XRCC1: variants seen among roughly 807,000 people sequenced by gnomAD.
XRCC1 encodes X-ray repair cross complementing 1.
XRCC1 carries 52 observed loss-of-function variants against 83.3 expected under a neutral mutation model. That is an observed-to-expected ratio of 0.62 (90% CI 0.50 to 0.79). The LOEUF (loss-of-function observed/expected upper bound fraction) is 0.79, where lower values mean the gene tolerates loss of function less well. Among genes scored for constraint, XRCC1 ranks in the 30% least tolerant of loss-of-function variants. XRCC1 has a pLI of 0.00. For synonymous variants in XRCC1, 281 were observed against 312.6 expected, an observed-to-expected ratio of 0.90 and a Z score of 1.07; for missense variants, 793 against 823.5, an observed-to-expected ratio of 0.96 and a Z score of 0.45.
chr19:43,548,917 A>C (rs1442932437), intron 10 of XRCC1, among the ~76,000 whole-genome samples: 1 of 152,184 alleles, frequency 6.6e-6, no homozygotes, highest in Non-Finnish European at 1.5e-5. Flanking sequence ...AGACTAAGGC[A>C]CAGAGAGATT....
At chr19:43,543,889 T>A (rs539867965) in intron 15 of XRCC1, among the ~76,000 whole-genome samples, 4 of 152,128 alleles carry the variant, frequency 2.6e-5, no homozygotes, top group African/African-American at 9.6e-5. Flanking sequence ...CCTCAGGCTG[T>A]CCCTTTCAGA....
rs1972606071 is a variant in XRCC1, at chr19:43,553,639, T to TG, written c.458dup (p.Asp154ArgfsTer4). The TG allele has an allele frequency of 2.8e-6, 4 of 1,453,598 alleles. No individual in the cohort carries two copies. The highest frequency in any genetic ancestry group is 3.7e-6 in the Non-Finnish European group (4 of 1,091,680). 90.0% of individuals were successfully genotyped at this position (1,453,598 alleles called of 1,614,324 possible). Reference sequence around the variant, plus strand: ...ACGGGGCCTCTGCCTCATCTTTGTCTGGGGGGCTATGAAACCGTACAAAAC... The same window carrying TG: ...ACGGGGCCTCTGCCTCATCTTTGTCTGGGGGGGCTATGAAACCGTACAAAAC... On this transcript the variant is annotated frameshift_variant, in exon 5 of 17. Transcript: ENST00000262887. LOFTEE classifies it high-confidence loss of function.
intron 2 of XRCC1, among the ~76,000 whole-genome samples, chr19:43,568,257 G>A (rs1972773181): frequency 6.6e-6 from 1 of 152,042 alleles, no homozygotes; most frequent in South Asian, 2.1e-4. Flanking sequence ...AACACTTTGG[G>A]AGGCCAAGGC....
At chr19:43,550,970 C>G (rs1490102977) in intron 10 of XRCC1, among the ~76,000 whole-genome samples, 2 of 152,046 alleles carry the variant, frequency 1.3e-5, no homozygotes, top group African/African-American at 2.4e-5. Flanking sequence ...TTCTGGGACT[C>G]ATTTTGGTTT....
In XRCC1 at chr19:43,548,766, C is replaced by CAAAAAAAAAAAAAAAAAAAAAAAA. The variant is rs60740505; in HGVS notation, c.1200-1790_1200-1789insTTTTTTTTTTTTTTTTTTTTTTTT. Among the ~76,000 whole-genome samples, 59 of 64,546 alleles carry CAAAAAAAAAAAAAAAAAAAAAAAA rather than the reference C, an allele frequency of 9.1e-4. 1 individual carries two copies. Among genetic ancestry groups the CAAAAAAAAAAAAAAAAAAAAAAAA allele is most frequent in the African/African-American group, 1.2e-3 (21 of 17,092 alleles). 42.3% of individuals were successfully genotyped at this position (64,546 alleles called of 152,430 possible). A position where few individuals can be genotyped will look rare whatever the true frequency, so the allele number is the denominator to read the frequency against. On this transcript the variant is annotated intron_variant, in intron 10 of 16. Transcript: ENST00000262887. ...TCTGTGAGAAACACCCAAGAATGAT[C>CAAAAAAAAAAAAAAAAAAAAAAAA]AAAAAAAAAAAAAAAAAAAACACAA...
intron 2 of XRCC1, among the ~76,000 whole-genome samples, chr19:43,565,838 C>T (rs2146066992): frequency 1.3e-5 from 2 of 152,190 alleles, no homozygotes; most frequent in South Asian, 4.1e-4. Context: ...ACTCAGGAGG[C>T]TAAGGCACAA....
Position 43,544,169 on chromosome 19 carries a change from T to A in XRCC1, c.1687A>T (p.Ile563Phe). ...EFPGDERRKL[I>F]RYVTAFNGEL... ...CCATTGAAGGCTGTGACGTATCGGA[T>A]GAGTTTCCGCCGCTCGTCCCCAGGG... Residue 563 changes from isoleucine to phenylalanine, a missense_variant, in exon 15 of 17, where the codon ATC becomes TTC. By Grantham distance (21) the Ile-to-Phe change is conservative (BLOSUM62 0). Coordinates refer to ENST00000262887, the MANE Select transcript of XRCC1 (RefSeq NM_006297.3). 1 of 1,610,156 alleles carries A rather than the reference T, an allele frequency of 6.2e-7. No individual in the cohort carries two copies. The highest frequency in any genetic ancestry group is 8.5e-7 in the Non-Finnish European group (1 of 1,178,390).
intron 10 of XRCC1, among the ~76,000 whole-genome samples, chr19:43,549,774 ATAGT>A (rs1486511036): frequency 6.6e-6 from 1 of 152,026 alleles, no homozygotes; most frequent in Non-Finnish European, 1.5e-5. Flanking sequence ...CCTGCATCAT[ATAGT>A]TATTTTTTTT....
rs984046542 is a variant in XRCC1 at position 43,546,939 on chromosome 19, T to C, written c.1238A>G (p.Asp413Gly). ...MAGPGSSSEE[D>G]EASHSGGSGD... ...GCTGCCACCGCTGTGAGAGGCCTCATCCTCCTCACTGCTGGAACCTGGCCC... is the reference window on the plus strand; with the variant it reads ...GCTGCCACCGCTGTGAGAGGCCTCACCCTCCTCACTGCTGGAACCTGGCCC... Residue 413 changes from aspartate to glycine, a missense_variant, in exon 11 of 17, where the codon GAT (aspartate) becomes GGT (glycine). Physicochemically the swap from Asp to Gly is moderately conservative, Grantham distance 94. Transcript: ENST00000262887. The C allele has an allele frequency of 6.2e-7, 1 of 1,613,964 alleles. No individual in the cohort carries two copies. The highest frequency in any genetic ancestry group is 8.5e-7 in the Non-Finnish European group (1 of 1,179,978).
intron 2 of XRCC1, among the ~76,000 whole-genome samples, chr19:43,567,284 AC>A (rs1568518281): frequency 1.4e-5 from 2 of 138,054 alleles, no homozygotes; most frequent in Non-Finnish European, 1.6e-5. Flanking sequence ...AAAAAAAAAA[AC>A]CCTGAAATGT....
intron 2 of XRCC1, among the ~76,000 whole-genome samples, chr19:43,567,876 CT>C (rs71336880): frequency 0.65 from 80,538 of 124,542 alleles, 24,487 homozygotes; most frequent in Admixed American, 0.68. Flanking sequence ...GCAATCTTTT[CT>C]TTTTTTTTTT....
chr19:43,544,167 G>C lies in XRCC1; in HGVS notation c.1689C>G (p.Ile563Met). 6.2e-7 allele frequency: 1 copy of C among 1,610,158 alleles called. No individual in the cohort carries two copies. ...ACCCATTGAAGGCTGTGACGTATCG[G>C]ATGAGTTTCCGCCGCTCGTCCCCAG... ...EFPGDERRKL[I>M]RYVTAFNGEL... The change falls in exon 15 of 17, where the codon ATC becomes ATG. Residue 563 changes from isoleucine to methionine, a missense_variant. Transcript: ENST00000262887.
chr19:43,547,301 T>G lies in XRCC1; in HGVS notation c.1200-324A>C, dbSNP rs565817283. Among the ~76,000 whole-genome samples, 84 of 151,760 alleles carry G rather than the reference T, an allele frequency of 5.5e-4. 2 individuals carry two copies. The highest frequency in any genetic ancestry group is 2.0e-3 in the African/African-American group (81 of 41,384). On this transcript the variant is annotated intron_variant, in intron 10 of 16. Coordinates refer to ENST00000262887, the MANE Select transcript of XRCC1 (RefSeq NM_006297.3). ...TCCAGGTTCGAGCGACTCCCCTGCC[T>G]CAGCCTCCCTAGTAGCTGGGATTAC...
rs146028779 is a variant in XRCC1 at position 43,571,648 on chromosome 19, C to T, written c.144+3262G>A. Among the ~76,000 whole-genome samples, 513 of 152,352 alleles carry T rather than the reference C, an allele frequency of 3.4e-3. 3 individuals carry two copies. Among genetic ancestry groups the T allele is most frequent in the African/African-American group, 0.011 (457 of 41,574 alleles). On this transcript the variant is annotated intron_variant, in intron 2 of 16. Coordinates refer to ENST00000262887, the MANE Select transcript of XRCC1 (RefSeq NM_006297.3). Reference sequence around the variant, plus strand: ...CCTCTGGAGTAGCTGGGACCACAGGCATAGGCCACCACGCTTGGCAGATTT... The same window carrying T: ...CCTCTGGAGTAGCTGGGACCACAGGTATAGGCCACCACGCTTGGCAGATTT...
chr19:43,551,956 A>T (rs1972580422), intron 9 of XRCC1, 61 bp downstream of exon 9: 1 of 1,566,990 alleles, frequency 6.4e-7, no homozygotes, highest in Non-Finnish European at 8.8e-7. Flanking sequence ...CACAAGGTGG[A>T]GGAGACACAG....
At chr19:43,572,133 G>A (rs1309797956) in intron 2 of XRCC1, among the ~76,000 whole-genome samples, 1 of 152,144 alleles carries the variant, frequency 6.6e-6, no homozygotes, top group Non-Finnish European at 1.5e-5. Flanking sequence ...GTCTCTCCCA[G>A]GCCAGAGACA....
At chr19:43,550,559 C>T (rs1262881190) in intron 10 of XRCC1, among the ~76,000 whole-genome samples, 1 of 152,180 alleles carries the variant, frequency 6.6e-6, no homozygotes, top group Non-Finnish European at 1.5e-5. Context: ...TGAACACACT[C>T]AGGCCATGGA....
intron 8 of XRCC1, 42 bp downstream of exon 8, chr19:43,552,755 G>A: frequency 1.1e-5 from 17 of 1,532,706 alleles, no homozygotes; most frequent in Non-Finnish European, 1.5e-5. Context: ...TAGGACACAG[G>A]AGCACAGGCC....
intron 2 of XRCC1, among the ~76,000 whole-genome samples, chr19:43,563,764 G>A (rs577943970): frequency 1.3e-5 from 2 of 152,202 alleles, no homozygotes; most frequent in Admixed American, 6.5e-5. Flanking sequence ...AACCTACCTC[G>A]CCCCCTACCT....
Sources: gnomAD v4.1 joint callset for allele counts (sites outside exome capture counted in the v4.1 genomes callset) on GRCh38, gnomAD v4.1.1 for gene constraint, MANE v1.5 for transcripts, NCBI Gene and HGNC (gene_info 2026-07-23, HGNC 2026-07-21) for gene names.